Variants in CD300LD observed in about 807,000 individuals in gnomAD.
CD300LD encodes CMRF35-like molecule 5.
A neutral mutation model predicts 20.3 loss-of-function variants in CD300LD; 18 were observed. The ratio of observed to expected loss-of-function variants is 0.89; its 90% CI spans 0.61 to 1.32. CD300LD has a LOEUF of 1.32. CD300LD is among the 40% of genes most tolerant of loss of function. The pLI, the probability that CD300LD is intolerant of heterozygous loss-of-function variation, is 0.00. For missense variants in CD300LD, 195 were observed against 226.6 expected (o/e 0.86, Z 0.90); for synonymous variants, 104 against 90.1 (o/e 1.15, Z -0.87).
rs779153611 is a variant in CD300LD, at chr17:74,580,000, C to T, written c.*2G>A. On this transcript the variant is annotated 3_prime_UTR_variant, in exon 4 of 4. Coordinates refer to ENST00000375352, the MANE Select transcript of CD300LD (RefSeq NM_001115152.2). ...CTCATCATCGGGCTGACTCCTCCTC[C>T]TTCAAGACCTTCTTTGTGGTCTGTT... 1.2e-6 allele frequency: 2 copies of T among 1,603,500 alleles called. No homozygotes were observed. Among genetic ancestry groups the T allele is most frequent in the Non-Finnish European group, 1.7e-6 (2 of 1,172,706 alleles).
chr17:74,592,023 G>A, intron 1 of CD300LD, 140 bp downstream of exon 1: 2 of 1,570,974 alleles, frequency 1.3e-6, no homozygotes, highest in Middle Eastern at 1.7e-4. Flanking sequence ...AAACTTGATT[G>A]CTATTTAATG....
chr17:74,583,918 AT>A (rs377050668), intron 2 of CD300LD, among the ~76,000 whole-genome samples: 3 of 151,020 alleles, frequency 2.0e-5, no homozygotes, highest in Middle Eastern at 3.4e-3. Context: ...TAGCCAGCTA[AT>A]TTTTTTTTAT....
chr17:74,589,232 C>T (rs559240023), intron 1 of CD300LD, among the ~76,000 whole-genome samples: 2 of 152,332 alleles, frequency 1.3e-5, no homozygotes, highest in Admixed American at 1.3e-4. Context: ...AGAATGATTG[C>T]TGCCTTGATG....
At chr17:74,582,420 C>A in intron 2 of CD300LD, 109 bp from the exon 3 acceptor site, 3 of 744,944 alleles carry the variant, frequency 4.0e-6, no homozygotes, top group African/African-American at 1.8e-5. Context: ...GCCTTGGGGT[C>A]CAAGACTGTC....
chr17:74,582,173 T>C (rs1407589650), intron 3 of CD300LD, 45 bp downstream of exon 3: 1 of 1,525,918 alleles, frequency 6.6e-7, no homozygotes, highest in East Asian at 2.3e-5. Flanking sequence ...GGAGAGGCCA[T>C]GGGGCCAGGC....
chr17:74,586,507 C>G (rs113875984), intron 2 of CD300LD, among the ~76,000 whole-genome samples: 13,167 of 152,218 alleles, frequency 0.087, 783 homozygotes, highest in Non-Finnish European at 0.13. Flanking sequence ...TGGCACCCCC[C>G]TGTCGGGAAA....
At chr17:74,587,847 C>G (rs538786491) in intron 2 of CD300LD, among the ~76,000 whole-genome samples, 1 of 149,996 alleles carries the variant, frequency 6.7e-6, no homozygotes, top group African/African-American at 2.5e-5. Context: ...CTGAGCTGTG[C>G]AGAGAAAAAA....
In CD300LD at chr17:74,588,624, AC is replaced by A; in HGVS notation, c.265del (p.Val89CysfsTer4). ...GAGATTCTCCATGGTCACGGTGAAC[AC>A]GTGGTTTTTCTGATTGTCCCTGATG... Reference protein sequence around the residue: ...VSIRDNQKNHVFTVTMENLKR... With the variant: ...VSIRDNQKNHXFTVTMENLKR... On this transcript the variant is annotated frameshift_variant, in exon 2 of 4. Coordinates refer to ENST00000375352, the MANE Select transcript of CD300LD (RefSeq NM_001115152.2). LOFTEE classifies it high-confidence loss of function. 6.2e-7 allele frequency: 1 copy of A among 1,614,068 alleles called. No homozygotes were observed. The highest frequency in any genetic ancestry group is 1.1e-5 in the South Asian group (1 of 91,084).
At chr17:74,585,161 C>T (rs781779035) in intron 2 of CD300LD, among the ~76,000 whole-genome samples, 7 of 152,212 alleles carry the variant, frequency 4.6e-5, no homozygotes, top group South Asian at 2.1e-4. Context: ...AAGAAGGTCA[C>T]TATACATAAC....
chr17:74,586,879 G>T (rs1292469573), intron 2 of CD300LD, among the ~76,000 whole-genome samples: 1 of 152,158 alleles, frequency 6.6e-6, no homozygotes, highest in Non-Finnish European at 1.5e-5. Context: ...TTTGAACCAG[G>T]AGAATATATT....
chr17:74,591,025 TGATCCCAGCACTGTACTCCA>T (rs56950758), intron 1 of CD300LD, among the ~76,000 whole-genome samples: 2,317 of 152,172 alleles, frequency 0.015, 23 homozygotes, highest in Non-Finnish European at 0.023. Context: ...CAGTGAACCC[TGATCCCAGCACTGTACTCCA>T]GATTGGGTGA....
At chr17:74,588,402 C>T in intron 2 of CD300LD, 109 bp downstream of exon 2, 1 of 702,750 alleles carries the variant, frequency 1.4e-6, no homozygotes, top group Admixed American at 2.6e-5. Flanking sequence ...ACTCAGACAC[C>T]CTCTGTCACA....
chr17:74,579,443 GGAA>G lies in CD300LD; in HGVS notation c.*556_*558del, dbSNP rs985104872. 6.6e-6 allele frequency: 1 copy of G among 152,436 alleles called. No individual in the cohort carries two copies. The highest frequency in any genetic ancestry group is 1.5e-5 in the Non-Finnish European group (1 of 68,296). 9.4% of individuals were successfully genotyped at this position (152,436 alleles called of 1,614,324 possible). On this transcript the variant is annotated 3_prime_UTR_variant, in exon 4 of 4. Coordinates refer to ENST00000375352, the MANE Select transcript of CD300LD (RefSeq NM_001115152.2). ...TTCTACTGCATTGGAGACCTCAGAA[GGAA>G]GAAGGGCTCTGTCAGGCCCCAGGGA...
chr17:74,581,684 C>A (rs188359666), intron 3 of CD300LD, among the ~76,000 whole-genome samples: 2 of 152,360 alleles, frequency 1.3e-5, no homozygotes, highest in East Asian at 3.9e-4. Context: ...AGGTGTCTCT[C>A]CTAACCCACT....
In CD300LD at chr17:74,583,079, T is replaced by C. The variant is rs563941778; in HGVS notation, c.380-768A>G. Among the ~76,000 whole-genome samples the C allele has an allele frequency of 2.6e-5, 4 of 152,296 alleles. No homozygotes were observed. In the South Asian group the frequency reaches 6.2e-4, roughly 24 times the overall value. ...TATGTTAAACTCTGATGTATGTGTA[T>C]ACCCGGTAACACCACCACCATGATC... On this transcript the variant is annotated intron_variant, in intron 2 of 3. Coordinates refer to ENST00000375352, the MANE Select transcript of CD300LD (RefSeq NM_001115152.2).
chr17:74,583,424 C>G (rs1373369947), intron 2 of CD300LD, among the ~76,000 whole-genome samples: 1 of 152,212 alleles, frequency 6.6e-6, no homozygotes, highest in Non-Finnish European at 1.5e-5. Context: ...CACCTGCAAG[C>G]CAGGGAGGGA....
intron 2 of CD300LD, among the ~76,000 whole-genome samples, chr17:74,586,085 G>T (rs1012829983): frequency 8.5e-5 from 13 of 152,222 alleles, no homozygotes; most frequent in African/African-American, 3.1e-4. Flanking sequence ...TGAAGCATCA[G>T]ATTCCTCATA....
rs957804053 is a variant in CD300LD at position 74,579,439 on chromosome 17, A to G, written c.*563T>C. On this transcript the variant is annotated 3_prime_UTR_variant, in exon 4 of 4. Transcript: ENST00000375352. The stretch of plus-strand genomic sequence containing the variant: ...TGTTTTCTACTGCATTGGAGACCTC[A>G]GAAGGAAGAAGGGCTCTGTCAGGCC... 6.6e-6 allele frequency: 1 copy of G among 152,402 alleles called. No homozygotes were observed. Among genetic ancestry groups the G allele is most frequent in the African/African-American group, 2.4e-5 (1 of 41,420 alleles). 9.4% of individuals were successfully genotyped at this position (152,402 alleles called of 1,614,324 possible).
intron 1 of CD300LD, among the ~76,000 whole-genome samples, chr17:74,591,265 T>A (rs200794176): frequency 8.2e-4 from 87 of 106,284 alleles, no homozygotes; most frequent in South Asian, 2.4e-3. Flanking sequence ...AAAAAAAAAA[T>A]AAAAATAATA....
Sources: allele counts gnomAD v4.1 joint callset (sites outside exome capture counted in the v4.1 genomes callset), GRCh38; gene constraint gnomAD v4.1.1; transcripts MANE v1.5; gene names NCBI Gene and HGNC (gene_info 2026-07-23, HGNC 2026-07-21).